Variants in KMT2C observed in about 807,000 individuals in gnomAD.
The protein encoded by KMT2C is lysine methyltransferase 2C.
A neutral mutation model predicts 507.9 loss-of-function variants in KMT2C; 88 were observed. The observed-to-expected ratio is 0.17, with a 90% CI of 0.15 to 0.21. The LOEUF (loss-of-function observed/expected upper bound fraction) is 0.21. Among genes scored for constraint, KMT2C ranks in the 10% least tolerant of loss-of-function variants. The pLI, the probability that KMT2C is intolerant of heterozygous loss-of-function variation, is 1.00. For synonymous variants in KMT2C, 2,049 were observed against 2,080.8 expected, an observed-to-expected ratio of 0.98 and a Z score of 0.42; for missense variants, 4,954 against 5,957.8, an observed-to-expected ratio of 0.83 and a Z score of 5.55.
chr7:152,408,872 TTAGAA>T (rs904695491), intron 1 of KMT2C, among the ~76,000 whole-genome samples: 3 of 151,986 alleles, frequency 2.0e-5, no homozygotes, highest in African/African-American at 7.3e-5. Flanking sequence ...ATCAAATATC[TTAGAA>T]TAGGTAACAG....
At chr7:152,353,528 C>CT (rs2097129914) in intron 2 of KMT2C, among the ~76,000 whole-genome samples, 1 of 152,208 alleles carries the variant, frequency 6.6e-6, no homozygotes, top group Admixed American at 6.5e-5. Flanking sequence ...GGATCTCACT[C>CT]TGTTACCCAG....
Position 152,177,358 on chromosome 7 carries a change from G to A in KMT2C, c.8095C>T (p.Leu2699=), listed in dbSNP as rs2093250085. ...ACCCCCTCAAGGTCTTTAACATCCA[G>A]TTCCTTCACAGAAGGGTCATCAGAA... The part of the protein sequence containing the change: ...LDSDDPSVKE[L]DVKDLEGVEV... Residue 2699 remains leucine, a synonymous_variant, in exon 38 of 59, where the codon CTG becomes TTG. Transcript: ENST00000262189. 6.2e-7 allele frequency: 1 copy of A among 1,614,168 alleles called. No homozygotes were observed. Among genetic ancestry groups the A allele is most frequent in the Non-Finnish European group, 8.5e-7 (1 of 1,180,010 alleles).
At position 152,250,977 on chromosome 7, in the gene KMT2C, A is replaced by G; in HGVS notation, c.1622-11T>C. The G allele has an allele frequency of 7.0e-7, 1 of 1,419,998 alleles. No homozygotes were observed. Among genetic ancestry groups the G allele is most frequent in the East Asian group, 2.3e-5 (1 of 43,904 alleles). 88.0% of individuals were successfully genotyped at this position (1,419,998 alleles called of 1,614,324 possible). A position where few individuals can be genotyped will look rare whatever the true frequency, so the allele number is the denominator to read the frequency against. On this transcript the variant is annotated splice_polypyrimidine_tract_variant and intron_variant, in intron 11 of 58. Coordinates refer to ENST00000262189, the MANE Select transcript of KMT2C (RefSeq NM_170606.3). ...TTTCATTGTTATAATCTTAACAAAA[A>G]ATTATTAATTCTTTAGCTCAGAATG...
At chr7:152,310,154 C>A in intron 5 of KMT2C, 79 bp from the exon 6 acceptor site, 1 of 879,784 alleles carries the variant, frequency 1.1e-6, no homozygotes. Context: ...CATAAAACTT[C>A]AAAATCAACT....
At chr7:152,201,293 G>GACACAGACAC (rs1281258997) in intron 26 of KMT2C, among the ~76,000 whole-genome samples, 2 of 136,948 alleles carry the variant, frequency 1.5e-5, no homozygotes, top group Non-Finnish European at 3.2e-5. Flanking sequence ...TACAGACACA[G>GACACAGACAC]ACACACACAC....
intron 44 of KMT2C, among the ~76,000 whole-genome samples, chr7:152,157,596 T>C (rs1381282626): frequency 1.3e-5 from 2 of 152,220 alleles, no homozygotes; most frequent in Non-Finnish European, 2.9e-5. Flanking sequence ...ATGTTTATGC[T>C]AGAAATACTT....
intron 3 of KMT2C, among the ~76,000 whole-genome samples, chr7:152,325,698 A>G (rs1409674177): frequency 6.6e-6 from 1 of 152,016 alleles, no homozygotes; most frequent in Non-Finnish European, 1.5e-5. Context: ...CTCCTGCCTC[A>G]ACCTCCCAAA....
At chr7:152,225,374 A>G (rs1477883865) in intron 18 of KMT2C, among the ~76,000 whole-genome samples, 1 of 152,214 alleles carries the variant, frequency 6.6e-6, no homozygotes, top group Non-Finnish European at 1.5e-5. Context: ...GCTACCAGAG[A>G]AGAAAATAAA....
intron 2 of KMT2C, among the ~76,000 whole-genome samples, chr7:152,347,987 A>C (rs780530360): frequency 6.6e-5 from 10 of 152,196 alleles, no homozygotes; most frequent in Non-Finnish European, 1.2e-4. Flanking sequence ...ATCTACACTC[A>C]GTAATATCAA....
At position 152,155,957 on chromosome 7, in the gene KMT2C, C is replaced by T. The variant is rs2129099632; in HGVS notation, c.11913G>A (p.Val3971=). The T allele has an allele frequency of 1.2e-6, 2 of 1,609,982 alleles. No individual in the cohort carries two copies. Among genetic ancestry groups the T allele is most frequent in the Non-Finnish European group, 1.7e-6 (2 of 1,179,184 alleles). Residue 3971 remains valine (V), a synonymous_variant, in exon 46 of 59, where the codon GTG becomes GTA. Transcript: ENST00000262189. ...ALAQGPKTVD[V]PASLPTPPHN... ...GAGGTGGTGTTGGGAGGGAGGCTGG[C>T]ACATCAACTGTCTTGGGGCCCTGAG...
At chr7:152,396,388 G>A (rs991450741) in intron 1 of KMT2C, among the ~76,000 whole-genome samples, 10 of 152,140 alleles carry the variant, frequency 6.6e-5, no homozygotes, top group African/African-American at 2.4e-4. Context: ...TACTTTTTAG[G>A]TTGTTGTGAG....
chr7:152,138,679 C>G lies in KMT2C; in HGVS notation c.14643+117G>C. 1.4e-6 allele frequency: 1 copy of G among 703,862 alleles called. No individual in the cohort carries two copies. Among genetic ancestry groups the G allele is most frequent in the Non-Finnish European group, 2.5e-6 (1 of 407,220 alleles). 43.6% of individuals were successfully genotyped at this position (703,862 alleles called of 1,614,324 possible). On this transcript the variant is annotated intron_variant, in intron 58 of 58. Coordinates refer to ENST00000262189, the MANE Select transcript of KMT2C (RefSeq NM_170606.3). This position sits in a 1 kb window ranked among gnomAD's most constrained non-coding sequence, Gnocchi z 4.2. ...GTGGGAACATCTGGCCTATTATGGA[C>G]AGAGTTTTTATCACAACAAAGAATT...
At chr7:152,245,892 C>T (rs2095464273) in intron 14 of KMT2C, among the ~76,000 whole-genome samples, 1 of 152,024 alleles carries the variant, frequency 6.6e-6, no homozygotes, top group African/African-American at 2.4e-5. Context: ...TAGCTGGAAA[C>T]CAAAGAATCT....
At chr7:152,375,049 T>G (rs1217356075) in intron 1 of KMT2C, among the ~76,000 whole-genome samples, 3 of 152,050 alleles carry the variant, frequency 2.0e-5, no homozygotes, top group Non-Finnish European at 2.9e-5. Context: ...TAATAAGTTG[T>G]TTGTTTGTTT....
At chr7:152,410,556 C>T (rs71217099) in intron 1 of KMT2C, among the ~76,000 whole-genome samples, 6 of 151,406 alleles carry the variant, frequency 4.0e-5, no homozygotes, top group Admixed American at 6.6e-5. Flanking sequence ...CCAGCCTGGG[C>T]GACAGAGCAA....
intron 43 of KMT2C, among the ~76,000 whole-genome samples, chr7:152,161,889 A>G (rs1268055257): frequency 6.6e-6 from 1 of 152,254 alleles, no homozygotes; most frequent in Non-Finnish European, 1.5e-5. Flanking sequence ...ATGAAATGCA[A>G]TACATGCCTT....
intron 1 of KMT2C, among the ~76,000 whole-genome samples, chr7:152,360,050 C>T (rs1238441472): frequency 1.2e-5 from 1 of 80,736 alleles, no homozygotes; most frequent in Admixed American, 2.1e-4. Context: ...CTGTCTCAAA[C>T]ACACAAACAA....
intron 37 of KMT2C, 49 bp downstream of exon 37, chr7:152,179,785 T>G: frequency 6.4e-7 from 1 of 1,552,598 alleles, no homozygotes; most frequent in Non-Finnish European, 8.9e-7. Context: ...CAGCTCTGTT[T>G]CCCTCTTCTA....
intron 55 of KMT2C, among the ~76,000 whole-genome samples, chr7:152,141,888 G>A (rs544769759): frequency 6.6e-6 from 1 of 151,942 alleles, no homozygotes; most frequent in Admixed American, 6.6e-5. Context: ...CAAGTATTGT[G>A]GCATGCGCCT....
Sources: allele counts gnomAD v4.1 joint callset (sites outside exome capture counted in the v4.1 genomes callset), GRCh38; gene constraint gnomAD v4.1.1; non-coding constraint Gnocchi (gnomAD v3.1); transcripts MANE v1.5; gene names NCBI Gene and HGNC (gene_info 2026-07-23, HGNC 2026-07-21).